PKHD1: variants seen among roughly 807,000 people sequenced by gnomAD.
PKHD1 encodes fibrocystin.
Under a neutral mutation model 412.0 loss-of-function variants are expected in PKHD1, and 291 were observed. The ratio of observed to expected loss-of-function variants is 0.71; its 90% CI spans 0.64 to 0.78. PKHD1 has a LOEUF of 0.78. Ranked by LOEUF, PKHD1 falls within the 30% of genes least tolerant of loss-of-function variation. PKHD1 has a pLI of 0.00. For missense variants in PKHD1, 4,825 were observed against 4,950.7 expected, an observed-to-expected ratio of 0.97 and a Z score of 0.76; for synonymous variants, 1,777 against 1,821.5, an observed-to-expected ratio of 0.98 and a Z score of 0.62.
chr6:52,007,189 T>C lies in PKHD1; in HGVS notation c.5751+3120A>G, dbSNP rs180971567. Among the ~76,000 whole-genome samples the C allele has an allele frequency of 1.8e-3, 267 of 152,368 alleles. 1 individual carries two copies. Among genetic ancestry groups the C allele is most frequent in the South Asian group, 0.013 (63 of 4,830 alleles). On this transcript the variant is annotated intron_variant, in intron 35 of 66. Transcript: ENST00000371117. ...ATCTTTTTTGTATAATAACTTCTTT[T>C]TCTCTGGCTAGATACCCAGTAATGG...
intron 36 of PKHD1, among the ~76,000 whole-genome samples, chr6:51,950,341 A>C (rs148581482): frequency 4.6e-4 from 70 of 151,844 alleles, no homozygotes; most frequent in African/African-American, 1.4e-3. Flanking sequence ...TGTGCATCCA[A>C]CTAAAAATGC....
At chr6:51,715,513 G>A (rs1290546803) in intron 60 of PKHD1, among the ~76,000 whole-genome samples, 2 of 152,132 alleles carry the variant, frequency 1.3e-5, no homozygotes, top group Non-Finnish European at 2.9e-5. Flanking sequence ...TATTAGCAAA[G>A]TATTGAGAAC....
rs78152804 is a variant in PKHD1 at position 52,041,299 on chromosome 6, A to T, written c.3097+1560T>A. On this transcript the variant is annotated intron_variant, in intron 27 of 66. Transcript: ENST00000371117. ...CATCATTTCTCAAACTGTACTCTTC[A>T]TAGAGATTGCCTGAGGACATGTTAA... is the stretch of plus-strand genomic sequence containing the variant. Among the ~76,000 whole-genome samples the T allele has an allele frequency of 3.4e-3, 523 of 152,324 alleles. 4 individuals are homozygous for T. Among genetic ancestry groups the T allele is most frequent in the African/African-American group, 0.012 (484 of 41,576 alleles).
intron 36 of PKHD1, among the ~76,000 whole-genome samples, chr6:51,950,997 A>G (rs1180221801): frequency 6.6e-6 from 1 of 152,202 alleles, no homozygotes; most frequent in Non-Finnish European, 1.5e-5. Flanking sequence ...TACTTTTTCT[A>G]CAAAATATGA....
Position 51,974,380 on chromosome 6 carries a change from T to C in PKHD1, c.5752-14354A>G, listed in dbSNP as rs549235763. 5.9e-5 allele frequency among the ~76,000 whole-genome samples: 9 copies of C among 152,372 alleles called. No individual in the cohort carries two copies. In the South Asian group the frequency reaches 1.4e-3, roughly 25 times the overall value. On this transcript the variant is annotated intron_variant, in intron 35 of 66. Transcript: ENST00000371117. ...GGCAAACCAAAGCAAACTTAAACCA[T>C]GCTTAGTTTAAATAATTATTTTAAA... is the stretch of plus-strand genomic sequence containing the variant.
chr6:51,799,094 C>T (rs1795018834), intron 52 of PKHD1, among the ~76,000 whole-genome samples: 1 of 145,854 alleles, frequency 6.9e-6, no homozygotes, highest in African/African-American at 2.5e-5. Context: ...CTGATGTTCT[C>T]ACTTTTATTT....
At chr6:51,924,434 A>C (rs1403524769) in intron 37 of PKHD1, among the ~76,000 whole-genome samples, 1 of 152,226 alleles carries the variant, frequency 6.6e-6, no homozygotes, top group Non-Finnish European at 1.5e-5. Flanking sequence ...CCATGCTATA[A>C]ATTTCGGACT....
intron 60 of PKHD1, among the ~76,000 whole-genome samples, chr6:51,692,315 C>CAGAAA (rs1354457716): frequency 1.3e-5 from 2 of 150,162 alleles, no homozygotes; most frequent in African/African-American, 4.9e-5. Flanking sequence ...TCATTTGGTG[C>CAGAAA]TATCACAAAT....
chr6:51,777,191 T>G (rs1266667329), intron 53 of PKHD1, among the ~76,000 whole-genome samples: 1 of 152,114 alleles, frequency 6.6e-6, no homozygotes, highest in Non-Finnish European at 1.5e-5. Context: ...TTGCCTGGTT[T>G]TCATCTTGGT....
intron 35 of PKHD1, among the ~76,000 whole-genome samples, chr6:52,001,076 A>AT (rs1339971735): frequency 6.6e-6 from 1 of 152,184 alleles, no homozygotes; most frequent in Non-Finnish European, 1.5e-5. Context: ...TTAATGGGAA[A>AT]TTCAAAGTTG....
intron 40 of PKHD1, among the ~76,000 whole-genome samples, chr6:51,906,610 T>C (rs970764779): frequency 1.3e-4 from 20 of 151,804 alleles, no homozygotes; most frequent in African/African-American, 4.8e-4. Flanking sequence ...ATAAAAGAAC[T>C]CATGGCTGTC....
At chr6:51,922,342 C>T (rs1784834263) in intron 37 of PKHD1, among the ~76,000 whole-genome samples, 1 of 152,212 alleles carries the variant, frequency 6.6e-6, no homozygotes, top group Non-Finnish European at 1.5e-5. Context: ...GGGCACCCAG[C>T]TGTATGAGGT....
At chr6:51,815,464 G>A (rs901406740) in intron 52 of PKHD1, among the ~76,000 whole-genome samples, 1 of 152,140 alleles carries the variant, frequency 6.6e-6, no homozygotes, top group Non-Finnish European at 1.5e-5. Flanking sequence ...GAGGTTTAGG[G>A]TGGGGAGGGA....
chr6:51,940,823 G>T (rs539992100), intron 36 of PKHD1, among the ~76,000 whole-genome samples: 1 of 151,484 alleles, frequency 6.6e-6, no homozygotes, highest in South Asian at 2.1e-4. Context: ...AACTGTTGTG[G>T]GTATTGACGG....
chr6:51,903,802 A>G (rs1020176114), intron 42 of PKHD1, 75 bp from the exon 43 acceptor site: 8 of 1,044,880 alleles, frequency 7.7e-6, no homozygotes, highest in African/African-American at 5.0e-5. Flanking sequence ...TGATTCTACT[A>G]ATACACATCA....
chr6:52,065,468 A>G (rs1582061560), intron 12 of PKHD1, among the ~76,000 whole-genome samples: 1 of 152,022 alleles, frequency 6.6e-6, no homozygotes, highest in African/African-American at 2.4e-5. Flanking sequence ...GTGTGAGGAC[A>G]CCCTTGGTGT....
At chr6:51,646,171 G>C (rs1770056567) in intron 63 of PKHD1, among the ~76,000 whole-genome samples, 2 of 152,178 alleles carry the variant, frequency 1.3e-5, no homozygotes, top group Admixed American at 1.3e-4. Flanking sequence ...GACATAAAAT[G>C]AATTTCTCTT....
chr6:52,024,164 T>C (rs1334542012), intron 32 of PKHD1, among the ~76,000 whole-genome samples: 1 of 152,184 alleles, frequency 6.6e-6, no homozygotes, highest in African/African-American at 2.4e-5. Flanking sequence ...ACCTGTGAAA[T>C]ATTACAAAAT....
In PKHD1 at chr6:51,911,824, T is replaced by C. The variant is rs1479811720; in HGVS notation, c.6465A>G (p.Ser2155=). The change falls in exon 39 of 67, where the codon TCA becomes TCG. Residue 2155 remains serine, a synonymous_variant. Coordinates refer to ENST00000371117, the MANE Select transcript of PKHD1 (RefSeq NM_138694.4). ...LTNEREKLLV[S]CQEANAPEGN... The stretch of plus-strand genomic sequence containing the variant: ...CTTCTGGAGCATTGGCCTCCTGGCA[T>C]GAAACAAGCAGCTTCTCCCTCTCAT... The C allele has an allele frequency of 6.2e-7, 1 of 1,612,988 alleles. No homozygotes were observed.
Sources: gnomAD v4.1 joint callset for allele counts (sites outside exome capture counted in the v4.1 genomes callset) on GRCh38, gnomAD v4.1.1 for gene constraint, MANE v1.5 for transcripts, NCBI Gene and HGNC (gene_info 2026-07-23, HGNC 2026-07-21) for gene names.